Variants in AKAP10 observed in about 807,000 individuals in gnomAD.
AKAP10 encodes the protein A-kinase anchoring protein 10.
AKAP10 carries 24 observed loss-of-function variants against 80.8 expected under a neutral mutation model. The ratio of observed to expected loss-of-function variants is 0.30; its 90% CI spans 0.22 to 0.42. AKAP10 has a LOEUF of 0.42. Among genes scored for constraint, AKAP10 ranks in the 10% least tolerant of loss-of-function variants. The probability of loss-of-function intolerance (pLI) is 1.00; values close to 1 mark genes in which losing one functional copy is unlikely to be tolerated. For missense variants in AKAP10, 661 were observed against 794.9 expected (o/e 0.83, Z 2.03); for synonymous variants, 291 against 277.7 (o/e 1.05, Z -0.48).
chr17:19,974,357 A>G (rs961860563), intron 1 of AKAP10, among the ~76,000 whole-genome samples: 3 of 152,200 alleles, frequency 2.0e-5, no homozygotes, highest in Non-Finnish European at 2.9e-5. Flanking sequence ...GAATGTGCCC[A>G]ACACAAATTC....
rs1355271933 is a variant in AKAP10, at chr17:19,904,714, T to G, written c.*1513A>C. The G allele has an allele frequency of 6.6e-6, 1 of 152,120 alleles. No homozygotes were observed. The highest frequency in any genetic ancestry group is 1.5e-5 in the Non-Finnish European group (1 of 68,024). The allele number at this position is 152,120 out of a possible 1,614,324, so 9.4% of individuals were successfully genotyped here. ...AAAATATTTGGAAAGATCAATATATTTCAACAGAAGAGCCATAAATGCCCT... is the reference window on the plus strand; with the variant it reads ...AAAATATTTGGAAAGATCAATATATGTCAACAGAAGAGCCATAAATGCCCT... On this transcript the variant is annotated 3_prime_UTR_variant, in exon 15 of 15. Coordinates refer to ENST00000225737, the MANE Select transcript of AKAP10 (RefSeq NM_007202.4).
intron 14 of AKAP10, 74 bp downstream of exon 14, chr17:19,909,107 C>T (rs1023291173): frequency 1.5e-6 from 2 of 1,299,662 alleles, no homozygotes; most frequent in African/African-American, 1.5e-5. Context: ...GCAAAGAAAC[C>T]CCTTATGTTC....
chr17:19,921,328 G>A (rs1043646031), intron 11 of AKAP10, among the ~76,000 whole-genome samples: 1 of 151,938 alleles, frequency 6.6e-6, no homozygotes, highest in Non-Finnish European at 1.5e-5. Context: ...ACCACGCCCA[G>A]CTAATTTTTG....
At chr17:19,908,424 A>G (rs2042654635) in intron 14 of AKAP10, among the ~76,000 whole-genome samples, 1 of 152,116 alleles carries the variant, frequency 6.6e-6, no homozygotes, top group Admixed American at 6.6e-5. Context: ...CTGGCCATGA[A>G]CTTTTCTTAG....
intron 1 of AKAP10, among the ~76,000 whole-genome samples, chr17:19,971,967 G>A (rs546979964): frequency 7.2e-5 from 11 of 152,216 alleles, no homozygotes; most frequent in Non-Finnish European, 1.2e-4. Flanking sequence ...TTAACCGGGC[G>A]TTGTGGCATG....
rs2152415073 is a variant in AKAP10 at position 19,944,997 on chromosome 17, A to G, written c.976+2410T>C. 1.3e-5 allele frequency among the ~76,000 whole-genome samples: 2 copies of G among 152,340 alleles called. 1 individual carries two copies. Among genetic ancestry groups the G allele is most frequent in the South Asian group, 4.1e-4 (2 of 4,830 alleles). ...AGGACAGCTATATTAAAATAGTCCA[A>G]CTGCAAGAGGAGACAAATAATTTGG... On this transcript the variant is annotated intron_variant, in intron 5 of 14. Coordinates refer to ENST00000225737, the MANE Select transcript of AKAP10 (RefSeq NM_007202.4).
chr17:19,977,796 G>C lies in AKAP10; in HGVS notation c.-117C>G. On this transcript the variant is annotated 5_prime_UTR_variant, in exon 1 of 15. Coordinates refer to ENST00000225737, the MANE Select transcript of AKAP10 (RefSeq NM_007202.4). ...TCGGGATGCCCAGGCAGCTCCAGCC[G>C]CCATATTATCAACAAGCCGCCCGCC... is the stretch of plus-strand genomic sequence containing the variant. 1 of 565,384 alleles carries C rather than the reference G, an allele frequency of 1.8e-6. No homozygotes were observed. The highest frequency in any genetic ancestry group is 2.6e-6 in the Non-Finnish European group (1 of 377,752). 35.0% of individuals were successfully genotyped at this position (565,384 alleles called of 1,614,324 possible). A position where few individuals can be genotyped will look rare whatever the true frequency, so the allele number is the denominator to read the frequency against.
At chr17:19,929,414 T>C (rs1384108559) in intron 10 of AKAP10, 2 of 152,124 alleles carry the variant, frequency 1.3e-5, no homozygotes, top group African/African-American at 4.8e-5. Flanking sequence ...GAACAGGTAA[T>C]GCTAATCTAT....
intron 3 of AKAP10, among the ~76,000 whole-genome samples, chr17:19,959,496 A>G (rs549166812): frequency 5.3e-5 from 8 of 152,344 alleles, no homozygotes; most frequent in African/African-American, 1.9e-4. Flanking sequence ...AATTGTGGAT[A>G]TATCTACAAA....
intron 5 of AKAP10, among the ~76,000 whole-genome samples, chr17:19,945,856 C>CAT (rs2043098021): frequency 6.6e-6 from 1 of 151,898 alleles, no homozygotes; most frequent in Non-Finnish European, 1.5e-5. Context: ...AATAAAAATA[C>CAT]ATAATATTAG....
chr17:19,935,778 C>T (rs1320736759), intron 9 of AKAP10, among the ~76,000 whole-genome samples: 2 of 152,054 alleles, frequency 1.3e-5, no homozygotes, highest in Non-Finnish European at 2.9e-5. Flanking sequence ...GCCGTCATCT[C>T]CTTTGATAAC....
intron 9 of AKAP10, among the ~76,000 whole-genome samples, chr17:19,933,519 G>C (rs188840193): frequency 7.2e-5 from 11 of 152,142 alleles, no homozygotes; most frequent in Admixed American, 7.2e-4. Context: ...CACACATCTA[G>C]TAAGAACTAT....
At chr17:19,933,062 G>A (rs1412403868) in intron 9 of AKAP10, among the ~76,000 whole-genome samples, 1 of 151,614 alleles carries the variant, frequency 6.6e-6, no homozygotes, top group African/African-American at 2.4e-5. Flanking sequence ...TTTGTCCCCC[G>A]GGCTGGAATG....
At chr17:19,937,295 A>G (rs1205494342) in intron 8 of AKAP10, among the ~76,000 whole-genome samples, 25 of 152,210 alleles carry the variant, frequency 1.6e-4, no homozygotes, top group Admixed American at 1.6e-3. Context: ...TGAGGTCAGG[A>G]GTTCAAGACC....
chr17:19,931,611 G>A (rs2042934064), intron 10 of AKAP10, among the ~76,000 whole-genome samples, 194 bp downstream of exon 10: 1 of 151,924 alleles, frequency 6.6e-6, no homozygotes, highest in South Asian at 2.1e-4. Context: ...GGCTGGTCTC[G>A]AATTCCTGAC....
chr17:19,951,575 C>T (rs921568935), intron 4 of AKAP10, among the ~76,000 whole-genome samples: 11 of 152,154 alleles, frequency 7.2e-5, no homozygotes, highest in African/African-American at 1.9e-4. Context: ...CCTTGGGATG[C>T]TGTTAATCTA....
At position 19,936,434 on chromosome 17, in the gene AKAP10, T is replaced by C. The variant is rs145600622; in HGVS notation, c.1323-4A>G. Reference sequence around the variant, plus strand: ...TGTGGCTTGGAGGGAGAAGTACCTATGGTAAAAAGATATCCGAAGTAAAAT... The same window carrying C: ...TGTGGCTTGGAGGGAGAAGTACCTACGGTAAAAAGATATCCGAAGTAAAAT... On this transcript the variant is annotated splice_polypyrimidine_tract_variant and splice_region_variant and intron_variant, in intron 8 of 14. Transcript: ENST00000225737. 2.9e-4 allele frequency: 469 copies of C among 1,596,242 alleles called. No individual in the cohort carries two copies. In the African/African-American group the frequency reaches 5.6e-3, roughly 19 times the overall value.
chr17:19,974,553 A>C (rs1215034583), intron 1 of AKAP10, among the ~76,000 whole-genome samples: 1 of 152,194 alleles, frequency 6.6e-6, no homozygotes, highest in Admixed American at 6.5e-5. Context: ...AGTTGGATAT[A>C]CCAGTCTGGA....
chr17:19,911,577 G>A lies in AKAP10; in HGVS notation c.1835-1599C>T, dbSNP rs147147443. Reference sequence around the variant, plus strand: ...CTCTGGGCTGGGCGCGGTGGCTCACGCCTGTAATTTCAGAACTTTGGGTGG... The same window carrying A: ...CTCTGGGCTGGGCGCGGTGGCTCACACCTGTAATTTCAGAACTTTGGGTGG... On this transcript the variant is annotated intron_variant, in intron 12 of 14. Transcript: ENST00000225737. 8.6e-4 allele frequency among the ~76,000 whole-genome samples: 130 copies of A among 152,032 alleles called. 3 individuals are homozygous for A. The East Asian group carries it at 0.024, about 28-fold the overall frequency.
Sources: allele counts gnomAD v4.1 joint callset (sites outside exome capture counted in the v4.1 genomes callset), GRCh38; gene constraint gnomAD v4.1.1; transcripts MANE v1.5; gene names NCBI Gene and HGNC (gene_info 2026-07-23, HGNC 2026-07-21).